The following BMP1 variants were observed in gnomAD, a reference collection of about 807,000 sequenced individuals.
The protein encoded by BMP1 is mammalian tolloid protein.
In BMP1, 63 loss-of-function variants were observed where a neutral mutation model predicts 116.8. The observed-to-expected ratio is 0.54, with a 90% confidence interval of 0.44 to 0.67. The LOEUF is 0.67. Among genes scored for constraint, BMP1 ranks in the 30% least tolerant of loss-of-function variants. BMP1 has a pLI of 0.00. For synonymous variants in BMP1, 536 were observed against 533.4 expected (o/e 1.00, Z -0.07); for missense variants, 1,183 against 1,358.9 (o/e 0.87, Z 2.04).
chr8:22,206,689 G>T (rs566267749), intron 16 of BMP1, among the ~76,000 whole-genome samples, 165 bp from the exon 17 acceptor site: 2 of 151,988 alleles, frequency 1.3e-5, no homozygotes, highest in African/African-American at 2.4e-5. Flanking sequence ...TTCCCCAGAC[G>T]CAGTAACCTC....
chr8:22,192,683 G>C (rs554599514), intron 9 of BMP1, among the ~76,000 whole-genome samples: 77 of 152,198 alleles, frequency 5.1e-4, no homozygotes, highest in Non-Finnish European at 9.3e-4. Context: ...ACTTTGTCCC[G>C]AGGAGGGTAG....
chr8:22,194,522 A>G lies in BMP1; in HGVS notation c.1375A>G (p.Lys459Glu), dbSNP rs1027468417. The G allele has an allele frequency of 2.5e-6, 4 of 1,614,188 alleles. No individual in the cohort carries two copies. The highest frequency in any genetic ancestry group is 3.4e-6 in the Non-Finnish European group (4 of 1,180,020). ...PNYPDDYRPS[K>E]VCIWRIQVSE... ...CTACCCAGACGATTACCGGCCCAGCAAAGTCTGCATCTGGCGGATCCAGGT... is the reference window on the plus strand; with the variant it reads ...CTACCCAGACGATTACCGGCCCAGCGAAGTCTGCATCTGGCGGATCCAGGT... Residue 459 changes from lysine to glutamate, a missense_variant, in exon 11 of 20, where the codon AAA becomes GAA. Physicochemically the swap from Lys to Glu is moderately conservative, Grantham distance 56 (BLOSUM62 1). Around this residue, in one of 4 missense-constraint regions of BMP1, gnomAD observed 956 missense variants for 1,135.2 expected, o/e 0.84. Coordinates refer to ENST00000306385, the MANE Select transcript of BMP1 (RefSeq NM_006129.5). The surrounding 1 kb of genome is among the most constrained non-coding windows in gnomAD (Gnocchi z 4.5).
At chr8:22,178,056 C>T (rs911535940) in intron 6 of BMP1, 99 bp downstream of exon 6, 4 of 1,056,072 alleles carry the variant, frequency 3.8e-6, no homozygotes, top group Middle Eastern at 6.1e-4. Context: ...GGCAGTGACC[C>T]AGGAAAAGAG....
intron 1 of BMP1, among the ~76,000 whole-genome samples, chr8:22,168,795 G>C (rs565473851): frequency 6.6e-6 from 1 of 152,228 alleles, no homozygotes; most frequent in South Asian, 2.1e-4. Flanking sequence ...GTGCCGCAAG[G>C]GGTGAGGAAA....
intron 19 of BMP1, among the ~76,000 whole-genome samples, chr8:22,210,815 G>T (rs141016161): frequency 6.6e-6 from 1 of 152,220 alleles, no homozygotes; most frequent in Non-Finnish European, 1.5e-5. Context: ...GTCCCCAGGT[G>T]TCTTCTTCCA....
chr8:22,199,614 T>C (rs940632569), intron 15 of BMP1, among the ~76,000 whole-genome samples: 1 of 152,224 alleles, frequency 6.6e-6, no homozygotes, highest in African/African-American at 2.4e-5. Flanking sequence ...GGCACTGGAC[T>C]AGGTTTCTAG....
At position 22,196,672 on chromosome 8, in the gene BMP1, C is replaced by G; in HGVS notation, c.1766-8C>G. On this transcript the variant is annotated splice_region_variant and splice_polypyrimidine_tract_variant and intron_variant, in intron 13 of 19. Coordinates refer to ENST00000306385, the MANE Select transcript of BMP1 (RefSeq NM_006129.5). Reference sequence around the variant, plus strand: ...CCGCAGACGATGCCACCTTCCTTGTCCCCGCAGCTGCTTGTGGCGGATTCC... The same window carrying G: ...CCGCAGACGATGCCACCTTCCTTGTGCCCGCAGCTGCTTGTGGCGGATTCC... The G allele has an allele frequency of 6.2e-7, 1 of 1,613,960 alleles. No homozygotes were observed.
intron 1 of BMP1, among the ~76,000 whole-genome samples, chr8:22,172,667 C>T (rs1018723474): frequency 2.3e-5 from 3 of 130,236 alleles, no homozygotes; most frequent in Admixed American, 9.0e-5. Flanking sequence ...GGCTGGATTG[C>T]AGTGGCATCA....
intron 19 of BMP1, 95 bp downstream of exon 19, chr8:22,209,790 C>A: frequency 7.1e-7 from 1 of 1,414,886 alleles, no homozygotes. Context: ...CTAGCGCCCA[C>A]ACAGGCCCCG....
intron 17 of BMP1, 29 bp downstream of exon 17, chr8:22,207,010 C>G (rs149883770): frequency 5.0e-6 from 8 of 1,611,896 alleles, no homozygotes; most frequent in Non-Finnish European, 5.9e-6. Flanking sequence ...ACTCCTTATG[C>G]GGTGTGGCTG....
chr8:22,210,037 C>G (rs1257214480), intron 19 of BMP1, among the ~76,000 whole-genome samples: 1 of 152,264 alleles, frequency 6.6e-6, no homozygotes, highest in Middle Eastern at 3.2e-3. Context: ...GGCAGCCCAC[C>G]AGGGCCTGGA....
At chr8:22,177,768 T>C in intron 5 of BMP1, 84 bp from the exon 6 acceptor site, 2 of 1,064,234 alleles carry the variant, frequency 1.9e-6, no homozygotes, top group Non-Finnish European at 2.9e-6. Context: ...AAGGACTCCA[T>C]TCCCTGCCCT....
intron 8 of BMP1, among the ~76,000 whole-genome samples, chr8:22,191,605 A>G (rs181110042): frequency 6.8e-4 from 104 of 152,244 alleles, no homozygotes; most frequent in Admixed American, 1.0e-3. Flanking sequence ...CCTGACTCAA[A>G]ACAAACAAAC....
chr8:22,192,011 C>T (rs767687661), intron 8 of BMP1, 38 bp from the exon 9 acceptor site: 56 of 1,554,564 alleles, frequency 3.6e-5, no homozygotes, highest in Non-Finnish European at 2.3e-5. Context: ...GTGCAATGTT[C>T]GGGACAGCTT....
intron 16 of BMP1, 62 bp from the exon 17 acceptor site, chr8:22,206,792 C>T (rs1829365195): frequency 1.9e-6 from 3 of 1,606,888 alleles, no homozygotes; most frequent in Admixed American, 1.7e-5. Flanking sequence ...GGGCCTTCCC[C>T]ACAGGAGGCA....
At chr8:22,172,420 C>T (rs1045831324) in intron 1 of BMP1, among the ~76,000 whole-genome samples, 10 of 151,938 alleles carry the variant, frequency 6.6e-5, no homozygotes, top group Admixed American at 5.3e-4. Context: ...ATACTGGAAT[C>T]GGAATGGCCC....
In BMP1 at chr8:22,165,395, G is replaced by A; in HGVS notation, c.-11G>A. On this transcript the variant is annotated 5_prime_UTR_variant, in exon 1 of 20. Coordinates refer to ENST00000306385, the MANE Select transcript of BMP1 (RefSeq NM_006129.5). ...CCAGTGCGCCGCTTCCCTCGCCGCC[G>A]CCCCGCCAGCATGCCCGGCGTGGCC... The A allele has an allele frequency of 1.4e-6, 2 of 1,455,736 alleles. No homozygotes were observed. Among genetic ancestry groups the A allele is most frequent in the Non-Finnish European group, 1.8e-6 (2 of 1,109,628 alleles). The allele number at this position is 1,455,736 out of a possible 1,614,324, so 90.2% of individuals were successfully genotyped here.
Position 22,177,920 on chromosome 8 carries a change from G to C in BMP1, c.799G>C (p.Asp267His). The change falls in exon 6 of 20, where the codon GAC (aspartate) becomes CAC (histidine). Residue 267 changes from aspartate (D) to histidine (H), a missense_variant. By Grantham distance (81) the Asp-to-His change is moderately conservative. Coordinates refer to ENST00000306385, the MANE Select transcript of BMP1 (RefSeq NM_006129.5). The part of the protein sequence containing the change: ...VESLGETYDF[D>H]SIMHYARNTF... ...GTCCCTGGGGGAGACCTATGACTTC[G>C]ACAGCATCATGCATTACGCTCGGAA... The C allele has an allele frequency of 2.5e-6, 4 of 1,613,574 alleles. No homozygotes were observed. The highest frequency in any genetic ancestry group is 2.5e-6 in the Non-Finnish European group (3 of 1,179,632).
rs529932953 is a variant in BMP1 at position 22,205,854 on chromosome 8, A to T, written c.2234-1000A>T. ...GTCCTGAGCACCCCGAAGGAACAGG[A>T]GGTGGCCACAGAGGGGTGATGTGTT... On this transcript the variant is annotated intron_variant, in intron 16 of 19. Transcript: ENST00000306385. Among the ~76,000 whole-genome samples, 3 of 152,316 alleles carry T rather than the reference A, an allele frequency of 2.0e-5. No individual in the cohort carries two copies. In the East Asian group the frequency reaches 5.8e-4, roughly 29 times the overall value.
Sources: gnomAD v4.1 joint callset for allele counts (sites outside exome capture counted in the v4.1 genomes callset) on GRCh38, gnomAD v4.1.1 for gene constraint, gnomAD v4.1.1 regional missense constraint, Gnocchi (gnomAD v3.1) non-coding constraint, MANE v1.5 for transcripts, NCBI Gene and HGNC (gene_info 2026-07-23, HGNC 2026-07-21) for gene names.